The following CLDN16 variants were observed in gnomAD, a reference collection of about 807,000 sequenced individuals.
CLDN16 encodes claudin-16.
Under a neutral mutation model 24.6 loss-of-function variants are expected in CLDN16, and 13 were observed. The ratio of observed to expected loss-of-function variants is 0.53; its 90% confidence interval spans 0.34 to 0.84. CLDN16 has a LOEUF of 0.84. Among genes scored for constraint, CLDN16 ranks in the 40% least tolerant of loss-of-function variants. The pLI is 0.01. For synonymous variants in CLDN16, 116 were observed against 106.7 expected (o/e 1.09, Z -0.54); for missense variants, 298 against 292.7 (o/e 1.02, Z -0.13).
chr3:190,310,303 C>T, the CLDN16 span: 1,451 of 1,408,670 alleles, frequency 1.0e-3, 16 homozygotes, highest in African/African-American at 0.019. Flanking sequence ...AACACTGAGC[C>T]TAAATACACA....
At chr3:190,351,087 C>T (rs11922773) in intron 1 of CLDN16, among the ~76,000 whole-genome samples, 7,718 of 151,826 alleles carry the variant, frequency 0.051, 289 homozygotes, top group African/African-American at 0.1. Context: ...GTGGGAAATC[C>T]GGTTGTGTAA....
intron 1 of CLDN16, among the ~76,000 whole-genome samples, chr3:190,369,858 T>A (rs1360031645): frequency 1.3e-5 from 2 of 151,946 alleles, no homozygotes; most frequent in Admixed American, 1.3e-4. Context: ...TAGACTTGTT[T>A]GTTGCAGGGA....
At position 190,381,545 on chromosome 3, in the gene CLDN16, C is replaced by T. The variant is rs144569292; in HGVS notation, n.306+6942C>T. 9.2e-5 allele frequency among the ~76,000 whole-genome samples: 14 copies of T among 152,224 alleles called. No homozygotes were observed. In the East Asian group the frequency reaches 2.5e-3, roughly 27 times the overall value. ...TCACTGCTTCTTAATTTAATACTTA[C>T]TCCTACTGCCTCTAGGCCCTTGATA... On this transcript the variant is annotated intron_variant and non_coding_transcript_variant, in intron 3 of 4. Transcript: ENST00000468220.
exon 3 of CLDN16, chr3:190,374,568 T>G (rs1372215930): frequency 6.6e-6 from 1 of 151,934 alleles, no homozygotes; most frequent in Non-Finnish European, 1.5e-5. Flanking sequence ...AAAACCATTC[T>G]CTTGTGGTTG....
At chr3:190,383,932 C>A (rs1046195321), upstream of CLDN16, among the ~76,000 whole-genome samples, 7 of 152,106 alleles carry the variant, frequency 4.6e-5, no homozygotes, top group Non-Finnish European at 7.4e-5. Flanking sequence ...TCATTAAGAC[C>A]TTTACAAACG....
rs564856892 is a variant in CLDN16, at chr3:190,354,272, T to C, written n.122-16621T>C. Among the ~76,000 whole-genome samples the C allele has an allele frequency of 3.3e-5, 5 of 152,168 alleles. No homozygotes were observed. The South Asian group carries it at 1.0e-3, about 32-fold the overall frequency. On this transcript the variant is annotated intron_variant and non_coding_transcript_variant, in intron 1 of 4. Transcript: ENST00000468220. Reference sequence around the variant, plus strand: ...GCAAATATCTTTTAGGGAACTATTATTTTGTCAACCACAGTTTCTTTGCAG... The same window carrying C: ...GCAAATATCTTTTAGGGAACTATTACTTTGTCAACCACAGTTTCTTTGCAG...
At chr3:190,343,927 C>T (rs115315219) in intron 1 of CLDN16, among the ~76,000 whole-genome samples, 5,953 of 152,026 alleles carry the variant, frequency 0.039, 389 homozygotes, top group African/African-American at 0.13. Flanking sequence ...TAATAATGTA[C>T]TGTAGTCAAG....
intron 1 of CLDN16, among the ~76,000 whole-genome samples, chr3:190,362,905 C>T (rs1259186853): frequency 2.0e-5 from 3 of 151,826 alleles, no homozygotes; most frequent in Non-Finnish European, 4.4e-5. Flanking sequence ...TTAAGATGCT[C>T]ACCTTAGTTT....
chr3:190,291,924 T>C, the CLDN16 span, among the ~76,000 whole-genome samples: 13 of 152,306 alleles, frequency 8.5e-5, no homozygotes, highest in Non-Finnish European at 1.6e-4. Context: ...GGCACACTGA[T>C]TAAGGGGGCG....
At chr3:190,304,720 C>T in the CLDN16 span, among the ~76,000 whole-genome samples, 1 of 152,046 alleles carries the variant, frequency 6.6e-6, no homozygotes, top group Admixed American at 6.6e-5. Flanking sequence ...GAAGGAAATT[C>T]AGAGACATTA....
the CLDN16 span, among the ~76,000 whole-genome samples, chr3:190,302,780 ATATAT>A: frequency 5.3e-5 from 7 of 131,476 alleles, no homozygotes; most frequent in Non-Finnish European, 7.9e-5. Flanking sequence ...TCAAAAAAAA[ATATAT>A]ATATATATAT....
At chr3:190,380,484 G>A (rs1718346926) in intron 3 of CLDN16, among the ~76,000 whole-genome samples, 1 of 152,108 alleles carries the variant, frequency 6.6e-6, no homozygotes. Flanking sequence ...AAATAAAAAA[G>A]CATTTTAGGC....
chr3:190,387,950 G>C, upstream of CLDN16: 1 of 665,066 alleles, frequency 1.5e-6, no homozygotes, highest in Non-Finnish European at 2.7e-6. Flanking sequence ...TCCAGCATGG[G>C]GTGGGACCCT....
intron 1 of CLDN16, among the ~76,000 whole-genome samples, chr3:190,335,403 GCTACT>G (rs1305819663): frequency 6.6e-6 from 1 of 151,878 alleles, no homozygotes; most frequent in Non-Finnish European, 1.5e-5. Flanking sequence ...GTACTCTTCT[GCTACT>G]CTTGCCTCTT....
chr3:190,408,277 G>A (rs772296641), intron 3 of CLDN16, 37 bp from the exon 4 acceptor site: 4 of 1,583,086 alleles, frequency 2.5e-6, no homozygotes, highest in East Asian at 2.2e-5. Flanking sequence ...TTCAGAAAAT[G>A]TCCCCTATTA....
At chr3:190,393,945 G>T (rs1293731664) in intron 1 of CLDN16, among the ~76,000 whole-genome samples, 4 of 151,754 alleles carry the variant, frequency 2.6e-5, no homozygotes, top group African/African-American at 9.7e-5. Flanking sequence ...TAGAGACGGG[G>T]TTTCACCATA....
intron 1 of CLDN16, among the ~76,000 whole-genome samples, chr3:190,396,739 G>C: frequency 6.6e-6 from 1 of 152,304 alleles, no homozygotes; most frequent in South Asian, 2.1e-4. Context: ...ACAAATTCCT[G>C]TGGGATTTCA....
At chr3:190,291,853 G>A in the CLDN16 span, among the ~76,000 whole-genome samples, 1 of 152,132 alleles carries the variant, frequency 6.6e-6, no homozygotes, top group Admixed American at 6.6e-5. Context: ...AAATCCAATA[G>A]GGCAGTTATT....
upstream of CLDN16, among the ~76,000 whole-genome samples, chr3:190,385,362 A>T (rs927732872): frequency 6.6e-6 from 1 of 152,188 alleles, no homozygotes; most frequent in African/African-American, 2.4e-5. Context: ...CTGCTCTATC[A>T]GTTTGCATGA....
Sources: gnomAD v4.1 joint callset for allele counts (sites outside exome capture counted in the v4.1 genomes callset) on GRCh38, gnomAD v4.1.1 for gene constraint, MANE v1.5 for transcripts, NCBI Gene and HGNC (gene_info 2026-07-23, HGNC 2026-07-21) for gene names.